SH3GL2: variants seen among roughly 807,000 people sequenced by gnomAD.
SH3GL2 encodes the protein endophilin-A1.
Under a neutral mutation model 46.0 loss-of-function variants are expected in SH3GL2, and 24 were observed. That is an observed-to-expected ratio of 0.52 (90% CI 0.38 to 0.73). SH3GL2 has a LOEUF of 0.73. Ranked by LOEUF, SH3GL2 falls within the 30% of genes least tolerant of loss-of-function variation. The probability of loss-of-function intolerance (pLI) is 0.00; values close to 1 mark genes in which losing one functional copy is unlikely to be tolerated. For missense variants in SH3GL2, 413 were observed against 424.2 expected (o/e 0.97, Z 0.23); for synonymous variants, 196 against 147.1 (o/e 1.33, Z -2.40).
chr9:17,746,260 T>C (rs1047515278), intron 1 of SH3GL2, among the ~76,000 whole-genome samples: 4 of 152,126 alleles, frequency 2.6e-5, no homozygotes, highest in Non-Finnish European at 4.4e-5. Flanking sequence ...GTATTTTTGG[T>C]AGAGACGGGG....
chr9:17,669,128 A>G (rs1246747438), intron 1 of SH3GL2, among the ~76,000 whole-genome samples: 2 of 152,090 alleles, frequency 1.3e-5, no homozygotes, highest in African/African-American at 4.8e-5. Context: ...TTAGTTTTAG[A>G]TTCATATGCA....
chr9:17,777,923 C>T (rs1032802812), intron 3 of SH3GL2, among the ~76,000 whole-genome samples: 1 of 151,938 alleles, frequency 6.6e-6, no homozygotes, highest in African/African-American at 2.4e-5. Context: ...GTAGGTTGGG[C>T]TCTCATCCCT....
At chr9:17,776,559 G>C (rs1823645760) in intron 3 of SH3GL2, among the ~76,000 whole-genome samples, 2 of 152,018 alleles carry the variant, frequency 1.3e-5, no homozygotes, top group Non-Finnish European at 2.9e-5. Context: ...ATTAATACTT[G>C]TTTAGAGAGA....
intron 2 of SH3GL2, among the ~76,000 whole-genome samples, chr9:17,755,444 T>A (rs1356500036): frequency 6.6e-6 from 1 of 152,182 alleles, no homozygotes; most frequent in Admixed American, 6.5e-5. Flanking sequence ...CCTGAAGTTT[T>A]CTTTTTTGTT....
chr9:17,750,179 C>G (rs894502526), intron 2 of SH3GL2, among the ~76,000 whole-genome samples: 8 of 152,080 alleles, frequency 5.3e-5, no homozygotes, highest in African/African-American at 1.4e-4. Context: ...CTTTTCTCGC[C>G]TGTTAATTGA....
At chr9:17,644,376 A>G (rs1162817327) in intron 1 of SH3GL2, among the ~76,000 whole-genome samples, 1 of 151,342 alleles carries the variant, frequency 6.6e-6, no homozygotes, top group Non-Finnish European at 1.5e-5. Context: ...CTAGCTTTTG[A>G]ATTTGTTTGC....
intron 1 of SH3GL2, among the ~76,000 whole-genome samples, chr9:17,633,927 C>T (rs573195642): frequency 6.6e-6 from 1 of 152,008 alleles, no homozygotes; most frequent in Non-Finnish European, 1.5e-5. Flanking sequence ...CTTTGGCAAC[C>T]CCTTTCTGCA....
chr9:17,596,876 C>G (rs888712639), intron 1 of SH3GL2, among the ~76,000 whole-genome samples: 1 of 152,198 alleles, frequency 6.6e-6, no homozygotes, highest in African/African-American at 2.4e-5. Flanking sequence ...GCAAGATCCA[C>G]TGGACTGCTG....
chr9:17,783,857 C>A (rs1823881308), intron 3 of SH3GL2, among the ~76,000 whole-genome samples: 1 of 152,094 alleles, frequency 6.6e-6, no homozygotes, highest in Non-Finnish European at 1.5e-5. Context: ...AGGGCACATA[C>A]AACTTGGTAA....
intron 2 of SH3GL2, 111 bp downstream of exon 2, chr9:17,747,245 A>G (rs1822717758): frequency 1.6e-6 from 1 of 616,902 alleles, no homozygotes; most frequent in Non-Finnish European, 2.9e-6. Context: ...CTCTGAGAAT[A>G]CTACATTTTG....
At chr9:17,752,799 T>C (rs559704897) in intron 2 of SH3GL2, among the ~76,000 whole-genome samples, 1 of 152,310 alleles carries the variant, frequency 6.6e-6, no homozygotes, top group East Asian at 1.9e-4. Context: ...CAGATGATTT[T>C]ATCACCCAGG....
chr9:17,673,029 C>G (rs1265370461), intron 1 of SH3GL2, among the ~76,000 whole-genome samples: 1 of 152,146 alleles, frequency 6.6e-6, no homozygotes, highest in East Asian at 1.9e-4. Flanking sequence ...TCTTTGATTT[C>G]TTGCCCTGTT....
intron 1 of SH3GL2, among the ~76,000 whole-genome samples, chr9:17,684,894 A>G (rs1021894197): frequency 6.6e-6 from 1 of 152,168 alleles, no homozygotes; most frequent in Non-Finnish European, 1.5e-5. Context: ...TTCACTGCCA[A>G]CATTTAAAAA....
chr9:17,706,880 G>A (rs534555847), intron 1 of SH3GL2, among the ~76,000 whole-genome samples: 1 of 152,028 alleles, frequency 6.6e-6, no homozygotes, highest in African/African-American at 2.4e-5. Flanking sequence ...GTTGCTGTAG[G>A]GTTTTACCTC....
intron 1 of SH3GL2, among the ~76,000 whole-genome samples, chr9:17,742,857 T>C (rs1822568431): frequency 6.6e-6 from 1 of 152,202 alleles, no homozygotes; most frequent in South Asian, 2.1e-4. Context: ...TGTTTTTAGT[T>C]TTTTGGATGA....
intron 1 of SH3GL2, among the ~76,000 whole-genome samples, chr9:17,615,556 G>T (rs1818971623): frequency 2.7e-5 from 4 of 150,690 alleles, no homozygotes; most frequent in African/African-American, 9.8e-5. Context: ...TCGGGAAGCT[G>T]AGGCAGGAGA....
At chr9:17,721,178 T>C (rs73645154) in intron 1 of SH3GL2, among the ~76,000 whole-genome samples, 8,946 of 152,068 alleles carry the variant, frequency 0.059, 862 homozygotes, top group African/African-American at 0.2. Context: ...TTTTTGGCTC[T>C]TAGAAGTGGA....
intron 1 of SH3GL2, among the ~76,000 whole-genome samples, chr9:17,626,356 G>T (rs1294946550): frequency 6.6e-6 from 1 of 152,226 alleles, no homozygotes; most frequent in Non-Finnish European, 1.5e-5. Context: ...GAGCCACTCT[G>T]AGGTTAGAGG....
chr9:17,661,320 G>A (rs557886981), intron 1 of SH3GL2, among the ~76,000 whole-genome samples: 1 of 152,264 alleles, frequency 6.6e-6, no homozygotes, highest in African/African-American at 2.4e-5. Context: ...TGTGAAGCTG[G>A]GTGTGACAGT....
Sources: allele counts gnomAD v4.1 joint callset (sites outside exome capture counted in the v4.1 genomes callset), GRCh38; gene constraint gnomAD v4.1.1; transcripts MANE v1.5; gene names NCBI Gene and HGNC (gene_info 2026-07-23, HGNC 2026-07-21).